Variants in ZCCHC7 observed in about 807,000 individuals in gnomAD.
The protein encoded by ZCCHC7 is zinc finger CCHC domain-containing protein 7.
A neutral mutation model predicts 52.0 loss-of-function variants in ZCCHC7; 35 were observed. The observed-to-expected ratio is 0.67, with a 90% CI of 0.51 to 0.89. ZCCHC7 has a LOEUF of 0.89. ZCCHC7 is among the 40% of genes least tolerant of loss of function. ZCCHC7 has a pLI of 0.00. For synonymous variants in ZCCHC7, 217 were observed against 221.5 expected, an observed-to-expected ratio of 0.98 and a Z score of 0.18; for missense variants, 574 against 649.1, an observed-to-expected ratio of 0.88 and a Z score of 1.26.
chr9:37,254,006 C>T (rs1230754780), intron 2 of ZCCHC7, among the ~76,000 whole-genome samples: 1 of 151,732 alleles, frequency 6.6e-6, no homozygotes, highest in Admixed American at 6.6e-5. Context: ...TTTTCGATTC[C>T]ATTATTATGT....
intron 5 of ZCCHC7, among the ~76,000 whole-genome samples, chr9:37,325,464 T>TCTAA (rs1554730907): frequency 6.6e-6 from 1 of 152,234 alleles, no homozygotes; most frequent in Non-Finnish European, 1.5e-5. Flanking sequence ...GAAATTACTT[T>TCTAA]ATTTTATGCA....
intron 2 of ZCCHC7, among the ~76,000 whole-genome samples, chr9:37,175,553 A>C (rs1821973753): frequency 6.6e-6 from 1 of 151,960 alleles, no homozygotes; most frequent in Non-Finnish European, 1.5e-5. Flanking sequence ...CCCTCCCCGC[A>C]CACCGCAGCC....
intron 2 of ZCCHC7, among the ~76,000 whole-genome samples, chr9:37,129,400 A>C (rs1248035849): frequency 6.6e-6 from 1 of 152,232 alleles, no homozygotes; most frequent in Non-Finnish European, 1.5e-5. Flanking sequence ...CAAATACTCA[A>C]ATATATATTC....
intron 2 of ZCCHC7, among the ~76,000 whole-genome samples, chr9:37,236,173 G>A (rs1020383378): frequency 1.3e-5 from 2 of 152,096 alleles, no homozygotes; most frequent in African/African-American, 4.8e-5. Context: ...CATCAGCATT[G>A]TATAAGGGTT....
intron 2 of ZCCHC7, among the ~76,000 whole-genome samples, chr9:37,163,074 G>A (rs545059025): frequency 3.3e-5 from 5 of 152,156 alleles, no homozygotes; most frequent in South Asian, 2.1e-4. Context: ...GGTAGTGTGC[G>A]CCTGTAGTCC....
intron 2 of ZCCHC7, among the ~76,000 whole-genome samples, chr9:37,225,958 C>T (rs894872743): frequency 2.6e-5 from 4 of 152,172 alleles, no homozygotes; most frequent in Admixed American, 1.3e-4. Flanking sequence ...TGCAATAAGG[C>T]AATAAAAAGA....
At chr9:37,130,364 T>A (rs78202997) in intron 2 of ZCCHC7, among the ~76,000 whole-genome samples, 14,510 of 131,208 alleles carry the variant, frequency 0.11, 977 homozygotes, top group Non-Finnish European at 0.15. Flanking sequence ...TTTTTTTTTT[T>A]ATAGCAGTGG....
chr9:37,300,934 T>G (rs1203264739), intron 2 of ZCCHC7, among the ~76,000 whole-genome samples: 1 of 152,228 alleles, frequency 6.6e-6, no homozygotes, highest in Non-Finnish European at 1.5e-5. Flanking sequence ...TTTCCCCCAC[T>G]AGGTTTTTAC....
chr9:37,133,336 G>C (rs140108036), intron 2 of ZCCHC7, among the ~76,000 whole-genome samples: 1 of 150,156 alleles, frequency 6.7e-6, no homozygotes, highest in East Asian at 1.9e-4. Flanking sequence ...AAATATACAC[G>C]TTAAGTAGAC....
At chr9:37,198,024 A>T (rs191259351) in intron 2 of ZCCHC7, among the ~76,000 whole-genome samples, 3 of 152,362 alleles carry the variant, frequency 2.0e-5, no homozygotes, top group Admixed American at 2.0e-4. Flanking sequence ...TTGTAATTAA[A>T]TGGGAAACTG....
chr9:37,337,257 G>A (rs970301291), intron 6 of ZCCHC7, among the ~76,000 whole-genome samples: 1 of 152,128 alleles, frequency 6.6e-6, no homozygotes, highest in East Asian at 1.9e-4. Flanking sequence ...AATTGGTAAT[G>A]ACAGCAGTGG....
intron 6 of ZCCHC7, among the ~76,000 whole-genome samples, chr9:37,337,321 C>T (rs1830717830): frequency 6.6e-6 from 1 of 151,260 alleles, no homozygotes; most frequent in African/African-American, 2.4e-5. Flanking sequence ...GAGACTTATT[C>T]TCCAGCTCGC....
chr9:37,120,333 G>A (rs1178970895), upstream of ZCCHC7, among the ~76,000 whole-genome samples: 2 of 152,258 alleles, frequency 1.3e-5, no homozygotes, highest in East Asian at 3.8e-4. Flanking sequence ...AATAGATGCA[G>A]CCTAGGTAGC....
rs367768538 is a variant in ZCCHC7 at position 37,301,859 on chromosome 9, A to AT, written c.611-320dup. Among the ~76,000 whole-genome samples the AT allele has an allele frequency of 5.3e-3, 809 of 151,446 alleles. 5 individuals are homozygous for AT. The highest frequency in any genetic ancestry group is 0.017 in the African/African-American group (715 of 41,274). On this transcript the variant is annotated intron_variant, in intron 2 of 8. Coordinates refer to ENST00000336755, the MANE Select transcript of ZCCHC7 (RefSeq NM_032226.3). Reference sequence around the variant, plus strand: ...TGTTGTATTTTTGGGCCCTTCACTGATTTTTTTTTGTTTTAATATTTGTAT... The same window carrying AT: ...TGTTGTATTTTTGGGCCCTTCACTGATTTTTTTTTTGTTTTAATATTTGTAT...
At chr9:37,135,122 A>G (rs1354782784) in intron 2 of ZCCHC7, among the ~76,000 whole-genome samples, 1 of 152,180 alleles carries the variant, frequency 6.6e-6, no homozygotes, top group Non-Finnish European at 1.5e-5. Context: ...CCATAGTCCT[A>G]TGTAAAGATA....
chr9:37,327,367 A>C (rs1830288249), intron 5 of ZCCHC7: 1 of 155,592 alleles, frequency 6.4e-6, no homozygotes, highest in African/African-American at 2.4e-5. Flanking sequence ...TATCACAAAT[A>C]TGTAATAACA....
At chr9:37,288,576 C>T (rs576020618) in intron 2 of ZCCHC7, among the ~76,000 whole-genome samples, 2 of 152,226 alleles carry the variant, frequency 1.3e-5, no homozygotes, top group African/African-American at 4.8e-5. Flanking sequence ...TCCTTCAGTT[C>T]TCTTTTTAAT....
chr9:37,163,007 C>T (rs1821189475), intron 2 of ZCCHC7, among the ~76,000 whole-genome samples: 1 of 152,026 alleles, frequency 6.6e-6, no homozygotes, highest in African/African-American at 2.4e-5. Flanking sequence ...TTGAGACCAT[C>T]CTGGCCAACA....
At position 37,189,935 on chromosome 9, in the gene ZCCHC7, A is replaced by G. The variant is rs77619592; in HGVS notation, c.610+62993A>G. ...CAACCTTATGCAGGCATAGTTTGGA[A>G]GGGTGAGCACAAACTTCATGGGGCC... On this transcript the variant is annotated intron_variant, in intron 2 of 8. Transcript: ENST00000336755. Among the ~76,000 whole-genome samples, 1,072 of 152,264 alleles carry G rather than the reference A, an allele frequency of 7.0e-3. 8 individuals carry two copies. Among genetic ancestry groups the G allele is most frequent in the African/African-American group, 0.024 (1,008 of 41,552 alleles).
Sources: allele counts gnomAD v4.1 joint callset (sites outside exome capture counted in the v4.1 genomes callset), GRCh38; gene constraint gnomAD v4.1.1; transcripts MANE v1.5; gene names NCBI Gene and HGNC (gene_info 2026-07-23, HGNC 2026-07-21).